TPH2: variants seen among roughly 807,000 people sequenced by gnomAD.
TPH2 encodes tryptophan 5-hydroxylase 2.
A neutral mutation model predicts 59.1 loss-of-function variants in TPH2; 27 were observed. The observed-to-expected ratio is 0.46, with a 90% CI of 0.34 to 0.63. The LOEUF is 0.63. TPH2 is among the 30% of genes least tolerant of loss of function. The pLI is 0.01. For missense variants in TPH2, 523 were observed against 588.3 expected, an observed-to-expected ratio of 0.89 and a Z score of 1.15; for synonymous variants, 220 against 210.5, an observed-to-expected ratio of 1.05 and a Z score of -0.39.
At chr12:71,974,753 C>T (rs1402540649) in intron 6 of TPH2, among the ~76,000 whole-genome samples, 1 of 152,218 alleles carries the variant, frequency 6.6e-6, no homozygotes, top group Non-Finnish European at 1.5e-5. Flanking sequence ...GTAAATCTGT[C>T]CTTTTCCTTT....
chr12:71,952,703 G>A (rs1307040505), intron 5 of TPH2, among the ~76,000 whole-genome samples: 1 of 152,108 alleles, frequency 6.6e-6, no homozygotes, highest in African/African-American at 2.4e-5. Flanking sequence ...CAATAGTCTG[G>A]GCTTGTGTGC....
At chr12:72,002,475 A>G (rs560996896) in intron 8 of TPH2, among the ~76,000 whole-genome samples, 7 of 152,236 alleles carry the variant, frequency 4.6e-5, no homozygotes, top group Non-Finnish European at 1.0e-4. Flanking sequence ...CCGTGGCTAC[A>G]TCTGAGCTCT....
chr12:72,000,697 A>G (rs1872801199), intron 8 of TPH2, among the ~76,000 whole-genome samples: 2 of 152,202 alleles, frequency 1.3e-5, no homozygotes, highest in Admixed American at 6.5e-5. Context: ...ACAGGATATC[A>G]CCAGATAAAT....
At position 71,939,026 on chromosome 12, in the gene TPH2, G is replaced by A; in HGVS notation, c.40G>A (p.Ala14Thr). Reference protein sequence around the residue: ...AMMMFSSKYWARRGFSLDSAV... With the variant: ...AMMMFSSKYWTRRGFSLDSAV... ...GATGATGTTTTCCAGTAAATACTGG[G>A]CACGGAGAGGGTTTTCCCTGGATTC... The change falls in exon 1 of 11, where the codon GCA (alanine) becomes ACA (threonine). Residue 14 changes from alanine to threonine, a missense_variant. Physicochemically the swap from Ala to Thr is moderately conservative, Grantham distance 58. Coordinates refer to ENST00000333850, the MANE Select transcript of TPH2 (RefSeq NM_173353.4). 6.2e-7 allele frequency: 1 copy of A among 1,614,102 alleles called. No homozygotes were observed. The highest frequency in any genetic ancestry group is 2.2e-5 in the East Asian group (1 of 44,880).
At chr12:71,998,284 C>G (rs1443029158) in intron 8 of TPH2, among the ~76,000 whole-genome samples, 3 of 152,048 alleles carry the variant, frequency 2.0e-5, no homozygotes, top group Non-Finnish European at 4.4e-5. Flanking sequence ...TATAGGCTGC[C>G]CGTTTACTTC....
intron 8 of TPH2, among the ~76,000 whole-genome samples, chr12:71,998,219 C>A (rs2368049): frequency 0.51 from 76,951 of 151,940 alleles, 19,942 homozygotes; most frequent in Middle Eastern, 0.58. Flanking sequence ...CCCACCCCAA[C>A]TCACTCTGAC....
At chr12:72,016,569 A>G (rs1873260842) in intron 8 of TPH2, among the ~76,000 whole-genome samples, 1 of 152,122 alleles carries the variant, frequency 6.6e-6, no homozygotes. Flanking sequence ...TCTCAAATCC[A>G]TCTTAAAAGG....
At chr12:71,997,291 C>T (rs1872717087) in intron 8 of TPH2, among the ~76,000 whole-genome samples, 2 of 152,116 alleles carry the variant, frequency 1.3e-5, no homozygotes, top group South Asian at 4.1e-4. Context: ...ATTGGGCCCA[C>T]CTGGATAATT....
chr12:71,959,289 T>C (rs562740063), intron 5 of TPH2, among the ~76,000 whole-genome samples: 158 of 152,320 alleles, frequency 1.0e-3, no homozygotes, highest in African/African-American at 3.7e-3. Flanking sequence ...ACTAGATGAC[T>C]CAGCCATAGG....
chr12:72,000,834 T>C (rs1343358556), intron 8 of TPH2, among the ~76,000 whole-genome samples: 2 of 152,194 alleles, frequency 1.3e-5, no homozygotes, highest in Non-Finnish European at 2.9e-5. Flanking sequence ...GTCTGCTGTT[T>C]TTCCATATGA....
rs777494396 is a variant in TPH2, at chr12:72,022,386, C to T, written c.1069-13C>T. 1.7e-5 allele frequency: 28 copies of T among 1,604,426 alleles called. No individual in the cohort carries two copies. The highest frequency in any genetic ancestry group is 1.7e-4 in the African/African-American group (13 of 74,754). On this transcript the variant is annotated splice_polypyrimidine_tract_variant and intron_variant, in intron 8 of 10. Coordinates refer to ENST00000333850, the MANE Select transcript of TPH2 (RefSeq NM_173353.4). Reference sequence around the variant, plus strand: ...TTGACCAGTTCACTGAATATGTGTTCGTTTTTCTTCAGTGCTATTTCTTCA... The same window carrying T: ...TTGACCAGTTCACTGAATATGTGTTTGTTTTTCTTCAGTGCTATTTCTTCA...
chr12:72,014,545 C>G (rs549307066), intron 8 of TPH2, among the ~76,000 whole-genome samples: 3 of 152,022 alleles, frequency 2.0e-5, no homozygotes, highest in Non-Finnish European at 4.4e-5. Flanking sequence ...CGCCCGTCCC[C>G]ATGCCCAGCT....
intron 8 of TPH2, among the ~76,000 whole-genome samples, chr12:72,002,207 A>G (rs1872840340): frequency 6.6e-6 from 1 of 152,182 alleles, no homozygotes; most frequent in Non-Finnish European, 1.5e-5. Context: ...AAATAATATT[A>G]GAAAAAGATA....
Position 71,941,846 on chromosome 12 carries a change from T to A in TPH2, c.255+113T>A, listed in dbSNP as rs564489908. ...AATTTCTGGATAATGTGGTGAAAGA[T>A]TCAAAGGAACCAAACTTCGTGAGGC... On this transcript the variant is annotated intron_variant, in intron 2 of 10. Coordinates refer to ENST00000333850, the MANE Select transcript of TPH2 (RefSeq NM_173353.4). The A allele has an allele frequency of 3.4e-4, 427 of 1,259,848 alleles. No homozygotes were observed. In the Middle Eastern group the frequency reaches 5.3e-3, roughly 16 times the overall value. 78.0% of individuals were successfully genotyped at this position (1,259,848 alleles called of 1,614,324 possible). A position where few individuals can be genotyped will look rare whatever the true frequency, so the allele number is the denominator to read the frequency against.
chr12:71,969,233 G>A (rs963983578), intron 5 of TPH2, among the ~76,000 whole-genome samples: 5 of 152,058 alleles, frequency 3.3e-5, no homozygotes, highest in East Asian at 3.9e-4. Context: ...CAGTGAGCCG[G>A]GATTACACCA....
At chr12:72,015,300 G>GTT (rs370890628) in intron 8 of TPH2, among the ~76,000 whole-genome samples, 4 of 130,636 alleles carry the variant, frequency 3.1e-5, no homozygotes, top group African/African-American at 8.5e-5. Flanking sequence ...CTTTTATGTG[G>GTT]TTTTTTTTTT....
chr12:71,979,266 C>A lies in TPH2; in HGVS notation c.941+179C>A, dbSNP rs1377186195. 2.6e-5 allele frequency among the ~76,000 whole-genome samples: 4 copies of A among 152,182 alleles called. No individual in the cohort carries two copies. The South Asian group carries it at 8.3e-4, about 31-fold the overall frequency. On this transcript the variant is annotated intron_variant, in intron 7 of 10. Coordinates refer to ENST00000333850, the MANE Select transcript of TPH2 (RefSeq NM_173353.4). ...AAGGATCAGACTCCTCATCTGGGTC[C>A]GTGGGGGCCCCTGATATTCCAGCTC...
intron 5 of TPH2, among the ~76,000 whole-genome samples, chr12:71,966,856 C>G (rs1871832310): frequency 1.3e-5 from 2 of 152,126 alleles, no homozygotes; most frequent in Non-Finnish European, 2.9e-5. Flanking sequence ...AAAGATAACA[C>G]AAGCTGAGAA....
chr12:71,947,046 C>A (rs1185085128), intron 4 of TPH2, among the ~76,000 whole-genome samples: 1 of 152,194 alleles, frequency 6.6e-6, no homozygotes, highest in African/African-American at 2.4e-5. Context: ...AATACAATAT[C>A]TTGATGCTCA....
Sources: gnomAD v4.1 joint callset for allele counts (sites outside exome capture counted in the v4.1 genomes callset) on GRCh38, gnomAD v4.1.1 for gene constraint, MANE v1.5 for transcripts, NCBI Gene and HGNC (gene_info 2026-07-23, HGNC 2026-07-21) for gene names.